The following CSMD3 variants were observed in gnomAD, a reference collection of about 807,000 sequenced individuals.
CSMD3 encodes CUB and Sushi multiple domains 3, also known as CUB and sushi domain-containing protein 3.
CSMD3 carries 177 observed loss-of-function variants against 435.2 expected under a neutral mutation model. The ratio of observed to expected loss-of-function variants is 0.41; its 90% CI spans 0.36 to 0.46. CSMD3 has a LOEUF of 0.46. Ranked by LOEUF, CSMD3 falls within the 20% of genes least tolerant of loss-of-function variation. The pLI is 0.34. For synonymous variants in CSMD3, 1,656 were observed against 1,520.5 expected, an observed-to-expected ratio of 1.09 and a Z score of -2.07; for missense variants, 4,265 against 4,504.6, an observed-to-expected ratio of 0.95 and a Z score of 1.52.
chr8:113,016,378 G>T (rs1268368659), intron 6 of CSMD3, among the ~76,000 whole-genome samples: 1 of 151,688 alleles, frequency 6.6e-6, no homozygotes, highest in Non-Finnish European at 1.5e-5. Flanking sequence ...TAACTTAAAG[G>T]TGGTTATATT....
At chr8:112,800,778 G>T (rs542620201) in intron 12 of CSMD3, among the ~76,000 whole-genome samples, 1 of 152,080 alleles carries the variant, frequency 6.6e-6, no homozygotes, top group Non-Finnish European at 1.5e-5. Flanking sequence ...ATTATAGGCT[G>T]CCCATGTCAC....
intron 6 of CSMD3, among the ~76,000 whole-genome samples, chr8:112,983,285 T>C (rs1284451503): frequency 2.0e-5 from 3 of 151,912 alleles, no homozygotes; most frequent in Admixed American, 6.6e-5. Flanking sequence ...GTTTATCCTT[T>C]GTTTTCTTCC....
chr8:112,245,859 A>G (rs1340586561), intron 64 of CSMD3, among the ~76,000 whole-genome samples: 1 of 152,170 alleles, frequency 6.6e-6, no homozygotes, highest in Admixed American at 6.5e-5. Flanking sequence ...TATTTAATAT[A>G]TTGCAGTTAG....
At chr8:112,934,885 C>T (rs1361823080) in intron 9 of CSMD3, among the ~76,000 whole-genome samples, 1 of 152,050 alleles carries the variant, frequency 6.6e-6, no homozygotes, top group Non-Finnish European at 1.5e-5. Context: ...ATTATTGTTT[C>T]CTTTTCTGTG....
intron 24 of CSMD3, among the ~76,000 whole-genome samples, chr8:112,567,635 G>C (rs1396048657): frequency 6.6e-6 from 1 of 152,152 alleles, no homozygotes; most frequent in Non-Finnish European, 1.5e-5. Context: ...CCTTTAGAGA[G>C]AGAGTAAAAT....
At chr8:112,445,150 C>CGAGA (rs1215931556) in intron 32 of CSMD3, among the ~76,000 whole-genome samples, 1 of 151,836 alleles carries the variant, frequency 6.6e-6, no homozygotes, top group South Asian at 2.1e-4. Context: ...GGCTGAGACA[C>CGAGA]GAGAATCCCT....
At chr8:113,269,499 C>A (rs2093501437) in intron 3 of CSMD3, among the ~76,000 whole-genome samples, 1 of 152,190 alleles carries the variant, frequency 6.6e-6, no homozygotes, top group South Asian at 2.1e-4. Context: ...CCCTCATCAC[C>A]AAGTCGATCC....
chr8:112,754,046 C>G (rs551115675), intron 13 of CSMD3, among the ~76,000 whole-genome samples: 1 of 152,160 alleles, frequency 6.6e-6, no homozygotes, highest in Non-Finnish European at 1.5e-5. Flanking sequence ...GGTGCACATG[C>G]AGAAAGCACA....
At chr8:112,902,952 G>T (rs991185183) in intron 10 of CSMD3, among the ~76,000 whole-genome samples, 2 of 151,074 alleles carry the variant, frequency 1.3e-5, no homozygotes, top group Non-Finnish European at 3.0e-5. Flanking sequence ...AAGGTAGTTT[G>T]GTCATTGAAT....
chr8:112,385,525 G>A (rs1829858454), intron 36 of CSMD3, among the ~76,000 whole-genome samples: 2 of 145,336 alleles, frequency 1.4e-5, no homozygotes. Context: ...TCTAAGTACA[G>A]CACTGCATTG....
intron 30 of CSMD3, among the ~76,000 whole-genome samples, chr8:112,493,510 A>G (rs1820908295): frequency 6.6e-6 from 1 of 152,106 alleles, no homozygotes; most frequent in Admixed American, 6.5e-5. Context: ...TTCTCCAGTC[A>G]TTCTCCACAT....
chr8:112,406,800 A>G (rs539085958), intron 34 of CSMD3, 73 bp from the exon 35 acceptor site: 421 of 921,856 alleles, frequency 4.6e-4, no homozygotes, highest in Non-Finnish European at 6.1e-4. Flanking sequence ...TAACTGTTTA[A>G]ACACATTTTT....
chr8:112,660,828 TG>T (rs2075362321), intron 17 of CSMD3, among the ~76,000 whole-genome samples: 1 of 152,160 alleles, frequency 6.6e-6, no homozygotes, highest in African/African-American at 2.4e-5. Flanking sequence ...TTCCAGTGTT[TG>T]GGCCAATTAA....
chr8:112,282,201 T>C (rs1818720025), intron 58 of CSMD3, among the ~76,000 whole-genome samples: 1 of 152,014 alleles, frequency 6.6e-6, no homozygotes, highest in South Asian at 2.1e-4. Flanking sequence ...ATCTTAAATA[T>C]TTCTTTTTGC....
chr8:113,045,802 AGTT>A (rs1172835236), intron 5 of CSMD3, among the ~76,000 whole-genome samples: 2 of 149,338 alleles, frequency 1.3e-5, no homozygotes, highest in South Asian at 2.1e-4. Flanking sequence ...TTTTACTTTC[AGTT>A]GTTGTTGTTG....
intron 5 of CSMD3, among the ~76,000 whole-genome samples, chr8:113,061,748 G>T (rs922877871): frequency 6.6e-6 from 1 of 151,224 alleles, no homozygotes; most frequent in African/African-American, 2.4e-5. Context: ...CAAATCATAG[G>T]TTAATAAAAA....
intron 3 of CSMD3, among the ~76,000 whole-genome samples, chr8:113,180,092 T>C (rs2092402963): frequency 6.6e-6 from 1 of 151,874 alleles, no homozygotes; most frequent in African/African-American, 2.4e-5. Context: ...CAATGCAAAA[T>C]TATATCTACT....
rs2132330215 is a variant in CSMD3, at chr8:112,800,252, C to T, written c.1882G>A (p.Asp628Asn). The T allele has an allele frequency of 1.9e-6, 3 of 1,612,386 alleles. No homozygotes were observed. The highest frequency in any genetic ancestry group is 2.5e-6 in the Non-Finnish European group (3 of 1,178,746). Residue 628 changes from aspartate (D) to asparagine (N), a missense_variant, in exon 13 of 71, where the codon GAC (aspartate) becomes AAC (asparagine). Asp to Asn is a conservative substitution (Grantham distance 23). This residue lies in a region of CSMD3 where 279 missense variants were observed against 369.0 expected (regional missense o/e 0.76). Coordinates refer to ENST00000297405, the MANE Select transcript of CSMD3 (RefSeq NM_198123.2). Reference sequence around the variant, plus strand: ...TGGCTACTCATGCTCACTATCAAGTCTGGTACAAAGCTTCCAGTCAGCCTA... The same window carrying T: ...TGGCTACTCATGCTCACTATCAAGTTTGGTACAAAGCTTCCAGTCAGCCTA... ...LQVLTGSFVP[D>N]LIVSMSSQMW...
intron 5 of CSMD3, among the ~76,000 whole-genome samples, chr8:113,022,364 A>T (rs2086713396): frequency 6.8e-6 from 1 of 147,624 alleles, no homozygotes; most frequent in Non-Finnish European, 1.5e-5. Context: ...TTTATTCAAC[A>T]GTTATTTACC....
Sources: gnomAD v4.1 joint callset for allele counts (sites outside exome capture counted in the v4.1 genomes callset) on GRCh38, gnomAD v4.1.1 for gene constraint, gnomAD v4.1.1 regional missense constraint, MANE v1.5 for transcripts, NCBI Gene and HGNC (gene_info 2026-07-23, HGNC 2026-07-21) for gene names.